UGT2A3: variants seen among roughly 807,000 people sequenced by gnomAD.
The protein encoded by UGT2A3 is UDP-glucuronosyltransferase 2A3.
In UGT2A3, 55 loss-of-function variants were observed where a neutral mutation model predicts 44.1. The ratio of observed to expected loss-of-function variants is 1.25; its 90% CI spans 1.00 to 1.56. The LOEUF is 1.56. Ranked by LOEUF, UGT2A3 falls within the 40% of genes most tolerant of loss-of-function variation. The pLI is 0.00. For missense variants in UGT2A3, 733 were observed against 621.6 expected (o/e 1.18, Z -1.91); for synonymous variants, 243 against 215.1 (o/e 1.13, Z -1.13).
intron 1 of UGT2A3, among the ~76,000 whole-genome samples, chr4:68,950,653 G>A (rs1718549572): frequency 1.3e-5 from 2 of 151,754 alleles, no homozygotes; most frequent in African/African-American, 4.8e-5. Flanking sequence ...AATGACTCTT[G>A]AAAAATTAAT....
At chr4:68,942,859 T>G (rs775057972) in intron 2 of UGT2A3, among the ~76,000 whole-genome samples, 1 of 151,514 alleles carries the variant, frequency 6.6e-6, no homozygotes, top group Non-Finnish European at 1.5e-5. Context: ...TAACTATAGT[T>G]AATAGTAATG....
intron 2 of UGT2A3, among the ~76,000 whole-genome samples, chr4:68,940,896 T>A (rs1416293591): frequency 4.0e-5 from 6 of 151,282 alleles, no homozygotes; most frequent in Admixed American, 2.0e-4. Context: ...ACAAAATAAA[T>A]TTATGCATTT....
chr4:68,944,404 C>A (rs1426922474), intron 2 of UGT2A3, among the ~76,000 whole-genome samples: 2 of 151,778 alleles, frequency 1.3e-5, no homozygotes, highest in Non-Finnish European at 2.9e-5. Context: ...AAGGCTAGAG[C>A]TAATAGCCAC....
chr4:68,935,155 T>G (rs1486767782), intron 2 of UGT2A3, among the ~76,000 whole-genome samples: 1 of 150,856 alleles, frequency 6.6e-6, no homozygotes, highest in South Asian at 2.1e-4. Flanking sequence ...TAATAACACT[T>G]TTTCTCACTC....
chr4:68,934,203 A>G (rs2109779884), intron 2 of UGT2A3, among the ~76,000 whole-genome samples: 1 of 152,140 alleles, frequency 6.6e-6, no homozygotes, highest in South Asian at 2.1e-4. Context: ...ATAAAAAAAC[A>G]AAAGAAACTT....
chr4:68,946,147 G>A (rs1342500916), intron 1 of UGT2A3, among the ~76,000 whole-genome samples: 1 of 151,540 alleles, frequency 6.6e-6, no homozygotes, highest in Non-Finnish European at 1.5e-5. Context: ...TGTTTTGAAG[G>A]AAAACACATT....
chr4:68,945,711 G>A (rs1294079293), intron 1 of UGT2A3, among the ~76,000 whole-genome samples: 1 of 111,182 alleles, frequency 9.0e-6, no homozygotes, highest in Non-Finnish European at 2.1e-5. Context: ...AGGGAAGGAT[G>A]GAAAGAAGGA....
chr4:68,941,597 G>A (rs140930034), intron 2 of UGT2A3, among the ~76,000 whole-genome samples: 8 of 151,970 alleles, frequency 5.3e-5, no homozygotes, highest in African/African-American at 1.7e-4. Context: ...TTTTGGATAG[G>A]ACTTCAGAAG....
chr4:68,947,782 T>C lies in UGT2A3; in HGVS notation c.716-2328A>G, dbSNP rs191043687. On this transcript the variant is annotated intron_variant, in intron 1 of 5. Transcript: ENST00000251566. ...TGTACATCTTAATCAGAGCCCTTTG[T>C]TGACCATGTGAATTGTCAATGAGCA... Among the ~76,000 whole-genome samples the C allele has an allele frequency of 6.6e-5, 10 of 151,962 alleles. No individual in the cohort carries two copies. The East Asian group carries it at 1.2e-3, about 18-fold the overall frequency.
intron 2 of UGT2A3, among the ~76,000 whole-genome samples, chr4:68,939,748 G>A (rs1718114423): frequency 6.6e-6 from 1 of 152,090 alleles, no homozygotes; most frequent in Non-Finnish European, 1.5e-5. Flanking sequence ...ACTACCATCA[G>A]GGTGAACAGG....
intron 2 of UGT2A3, among the ~76,000 whole-genome samples, chr4:68,940,791 T>TACAC (rs1413630665): frequency 1.4e-5 from 2 of 141,036 alleles, no homozygotes; most frequent in Non-Finnish European, 3.1e-5. Context: ...AATATATATA[T>TACAC]ACACACACAC....
intron 2 of UGT2A3, among the ~76,000 whole-genome samples, chr4:68,941,240 C>T (rs1417047397): frequency 6.6e-6 from 1 of 151,704 alleles, no homozygotes; most frequent in Non-Finnish European, 1.5e-5. Context: ...CAGTGCTGTG[C>T]TTCTTGTACA....
At chr4:68,939,054 C>CA (rs1403636124) in intron 2 of UGT2A3, among the ~76,000 whole-genome samples, 2 of 152,068 alleles carry the variant, frequency 1.3e-5, no homozygotes, top group African/African-American at 4.8e-5. Flanking sequence ...AAAGAGGACA[C>CA]AAACAAATGG....
At chr4:68,939,496 A>G (rs1433013403) in intron 2 of UGT2A3, among the ~76,000 whole-genome samples, 1 of 152,206 alleles carries the variant, frequency 6.6e-6, no homozygotes, top group Admixed American at 6.5e-5. Flanking sequence ...CGCTAGCCAT[A>G]TGTAGAAAGT....
intron 2 of UGT2A3, 62 bp from the exon 3 acceptor site, chr4:68,932,821 T>C (rs1717786642): frequency 6.8e-7 from 1 of 1,477,074 alleles, no homozygotes; most frequent in East Asian, 2.3e-5. Flanking sequence ...AAATAAAGGT[T>C]ACTTACACTT....
At chr4:68,937,138 T>C (rs2331561) in intron 2 of UGT2A3, among the ~76,000 whole-genome samples, 110,843 of 151,784 alleles carry the variant, frequency 0.73, 42,081 homozygotes, top group Non-Finnish European at 0.86. Flanking sequence ...ACCCCACTGT[T>C]GTTATTAGAA....
chr4:68,951,097 T>C lies in UGT2A3; in HGVS notation c.664A>G (p.Ile222Val), dbSNP rs779387831. ...CAAAAATGATAGTCGTAATCCTGAATCCAGAAGTGGAACAAAACTGAAAGC... is the reference window on the plus strand; with the variant it reads ...CAAAAATGATAGTCGTAATCCTGAACCCAGAAGTGGAACAAAACTGAAAGC... ...SMLSVLFHFW[I>V]QDYDYHFWEE... The change falls in exon 1 of 6, where the codon ATT (isoleucine) becomes GTT (valine). Residue 222 changes from isoleucine to valine, a missense_variant. Coordinates refer to ENST00000251566, the MANE Select transcript of UGT2A3 (RefSeq NM_024743.4). The C allele has an allele frequency of 2.5e-6, 4 of 1,610,116 alleles. No individual in the cohort carries two copies. The South Asian group carries it at 4.4e-5, about 18-fold the overall frequency.
At chr4:68,942,459 C>A (rs985414396) in intron 2 of UGT2A3, among the ~76,000 whole-genome samples, 1 of 138,192 alleles carries the variant, frequency 7.2e-6, no homozygotes, top group Non-Finnish European at 1.5e-5. Flanking sequence ...AGCTTTATTT[C>A]TATTATATAT....
chr4:68,931,069 T>G, intron 4 of UGT2A3, 86 bp downstream of exon 4: 7 of 1,110,480 alleles, frequency 6.3e-6, no homozygotes, highest in Non-Finnish European at 9.1e-6. Context: ...TTTATAATTT[T>G]AGATCTTTGC....
Sources: gnomAD v4.1 joint callset for allele counts (sites outside exome capture counted in the v4.1 genomes callset) on GRCh38, gnomAD v4.1.1 for gene constraint, MANE v1.5 for transcripts, NCBI Gene and HGNC (gene_info 2026-07-23, HGNC 2026-07-21) for gene names.